PLCH1: variants seen among roughly 807,000 people sequenced by gnomAD.
PLCH1 encodes phospholipase C eta 1.
In PLCH1, 60 loss-of-function variants were observed where a neutral mutation model predicts 126.7. That is an observed-to-expected ratio of 0.47 (90% confidence interval 0.38 to 0.59). The LOEUF (loss-of-function observed/expected upper bound fraction) is 0.59. Among genes scored for constraint, PLCH1 ranks in the 20% least tolerant of loss-of-function variants. The probability of loss-of-function intolerance (pLI) is 0.00; values close to 1 mark genes in which losing one functional copy is unlikely to be tolerated. For synonymous variants in PLCH1, 719 were observed against 734.9 expected (o/e 0.98, Z 0.35); for missense variants, 1,723 against 2,040.0 (o/e 0.84, Z 2.99).
chr3:155,471,979 A>G (rs1443821986), intron 21 of PLCH1, among the ~76,000 whole-genome samples: 1 of 152,206 alleles, frequency 6.6e-6, no homozygotes, highest in African/African-American at 2.4e-5. Context: ...AAAGCAGGAA[A>G]GATCCAAAAT....
chr3:155,541,005 G>A (rs575647213), intron 10 of PLCH1, among the ~76,000 whole-genome samples: 2 of 152,206 alleles, frequency 1.3e-5, no homozygotes, highest in South Asian at 2.1e-4. Context: ...ATCAATCAAC[G>A]AGTGGATAAA....
At chr3:155,716,757 C>T (rs572612791) in intron 1 of PLCH1, among the ~76,000 whole-genome samples, 5 of 152,264 alleles carry the variant, frequency 3.3e-5, no homozygotes, top group Non-Finnish European at 4.4e-5. Flanking sequence ...GAGATTTGGC[C>T]GGGACATGTA....
rs1386976251 is a variant in PLCH1 at position 155,488,796 on chromosome 3, A to G, written c.2403T>C (p.Pro801=). Reference sequence around the variant, plus strand: ...TAAATGTCAGTGTTTCTTCCCACACAGGGTTAAATCCTCAGAGAAATAGGA... The same window carrying G: ...TAAATGTCAGTGTTTCTTCCCACACGGGGTTAAATCCTCAGAGAAATAGGA... ...TRVVDDNGFN[P]VWEETLTFTV... is the part of the protein sequence containing the mutation. The change falls in exon 20 of 23, where the codon CCT becomes CCC. Residue 801 remains proline (P), a synonymous_variant. Coordinates refer to ENST00000460012, the MANE Select transcript of PLCH1 (RefSeq NM_014996.4). 2.5e-6 allele frequency: 4 copies of G among 1,611,740 alleles called. No homozygotes were observed. The highest frequency in any genetic ancestry group is 1.1e-5 in the South Asian group (1 of 90,396).
At chr3:155,530,493 ATTT>A (rs1178847902) in intron 10 of PLCH1, among the ~76,000 whole-genome samples, 1 of 151,664 alleles carries the variant, frequency 6.6e-6, no homozygotes, top group Non-Finnish European at 1.5e-5. Flanking sequence ...ATTTTTTTGT[ATTT>A]TTAGTAGAGA....
chr3:155,674,343 T>G (rs1743869370), intron 2 of PLCH1, among the ~76,000 whole-genome samples: 1 of 152,172 alleles, frequency 6.6e-6, no homozygotes, highest in Non-Finnish European at 1.5e-5. Flanking sequence ...GAATAAACAT[T>G]CCTCAACTTT....
intron 2 of PLCH1, among the ~76,000 whole-genome samples, chr3:155,648,470 A>G (rs1481832825): frequency 2.6e-5 from 4 of 151,984 alleles, no homozygotes; most frequent in African/African-American, 9.7e-5. Context: ...ACAAAGGCCT[A>G]CTCCCCTGGT....
chr3:155,482,884 G>A lies in PLCH1; in HGVS notation c.3142C>T (p.Leu1048=), dbSNP rs767767304. The part of the protein sequence containing the change: ...TAHMSVTGEQ[L]GMSSPRGGRT... ...CCACCCCTAGGACTTGACATGCCCA[G>A]CTGTTCTCCTGTGACTGACATGTGG... is the stretch of plus-strand genomic sequence containing the variant. Residue 1048 remains leucine (L), a synonymous_variant, in exon 23 of 23, where the codon CTG becomes TTG. Coordinates refer to ENST00000460012, the MANE Select transcript of PLCH1 (RefSeq NM_014996.4). 2 of 1,614,142 alleles carry A rather than the reference G, an allele frequency of 1.2e-6. No homozygotes were observed. The highest frequency in any genetic ancestry group is 1.7e-6 in the Non-Finnish European group (2 of 1,179,998).
Position 155,485,571 on chromosome 3 carries a change from C to A in PLCH1, c.2759G>T (p.Gly920Val). 1 of 1,614,176 alleles carries A rather than the reference C, an allele frequency of 6.2e-7. No homozygotes were observed. The highest frequency in any genetic ancestry group is 1.1e-5 in the South Asian group (1 of 91,084). The stretch of plus-strand genomic sequence containing the variant: ...GAAGCCCATTTTGCTCTTTTTCCTG[C>A]CTTTGGCTGGGGCGCTAGCTGTGCG... The part of the protein sequence containing the change: ...LRRTASAPAK[G>V]RKKSKMGFQE... The change falls in exon 22 of 23, where the codon GGC becomes GTC. Residue 920 changes from glycine (G) to valine (V), a missense_variant. This residue lies in a region of PLCH1 where 947 missense variants were observed against 977.1 expected (regional missense o/e 0.97). Coordinates refer to ENST00000460012, the MANE Select transcript of PLCH1 (RefSeq NM_014996.4).
intron 2 of PLCH1, among the ~76,000 whole-genome samples, chr3:155,614,896 C>T (rs561836242): frequency 5.6e-4 from 85 of 152,138 alleles, no homozygotes; most frequent in African/African-American, 1.9e-3. Context: ...TGACCAGGAA[C>T]CCAAAAGCAA....
intron 2 of PLCH1, among the ~76,000 whole-genome samples, chr3:155,645,494 T>C (rs1314639652): frequency 6.6e-6 from 1 of 152,202 alleles, no homozygotes; most frequent in Non-Finnish European, 1.5e-5. Context: ...GGTTTTTGTT[T>C]GGGACAGGGT....
chr3:155,699,368 C>T (rs539636356), intron 2 of PLCH1, among the ~76,000 whole-genome samples: 4 of 152,334 alleles, frequency 2.6e-5, no homozygotes, highest in African/African-American at 9.6e-5. Context: ...TGAACCACTG[C>T]GCCCAGCCTG....
intron 2 of PLCH1, among the ~76,000 whole-genome samples, chr3:155,602,133 T>C (rs914321543): frequency 1.3e-5 from 2 of 152,146 alleles, no homozygotes; most frequent in Non-Finnish European, 2.9e-5. Flanking sequence ...TGGAGTACTA[T>C]GTAAGTGTAA....
chr3:155,630,526 G>A (rs185761947), intron 2 of PLCH1, among the ~76,000 whole-genome samples: 190 of 152,274 alleles, frequency 1.2e-3, no homozygotes, highest in African/African-American at 4.5e-3. Context: ...TCAGGTCTTT[G>A]GGCTGCCTGC....
chr3:155,548,689 G>C (rs140215177), intron 10 of PLCH1, among the ~76,000 whole-genome samples: 2 of 152,196 alleles, frequency 1.3e-5, no homozygotes, highest in Admixed American at 1.3e-4. Flanking sequence ...TACTATAAAA[G>C]TTTGCTTTAG....
chr3:155,494,210 A>C lies in PLCH1; in HGVS notation c.2113T>G (p.Leu705Val). ...NYQSEGRMMQLNRAKFKANGN... is the reference protein window; with the variant it reads ...NYQSEGRMMQVNRAKFKANGN... ...TTTGCCTTGAATTTGGCTCGGTTTA[A>C]CTGCATCATTCGTCCTTCAGATTGA... is the stretch of plus-strand genomic sequence containing the variant. The change falls in exon 17 of 23, where the codon TTA becomes GTA. Residue 705 changes from leucine (L) to valine (V), a missense_variant. Around this residue, in one of 2 missense-constraint regions of PLCH1, gnomAD observed 776 missense variants for 1,062.9 expected, o/e 0.73. Transcript: ENST00000460012. The C allele has an allele frequency of 6.2e-7, 1 of 1,614,168 alleles. No homozygotes were observed.
intron 2 of PLCH1, among the ~76,000 whole-genome samples, chr3:155,598,285 C>T (rs929172294): frequency 7.2e-5 from 11 of 152,072 alleles, no homozygotes; most frequent in African/African-American, 2.7e-4. Context: ...TTAGTATATT[C>T]GGCCACCACT....
At chr3:155,585,374 T>G (rs1289259557) in intron 5 of PLCH1, among the ~76,000 whole-genome samples, 2 of 152,226 alleles carry the variant, frequency 1.3e-5, no homozygotes, top group Non-Finnish European at 2.9e-5. Context: ...GCAACTTATC[T>G]TCAAATAATA....
chr3:155,657,010 A>G (rs1741456734), intron 2 of PLCH1, among the ~76,000 whole-genome samples: 1 of 151,740 alleles, frequency 6.6e-6, no homozygotes, highest in Non-Finnish European at 1.5e-5. Flanking sequence ...AGAAAATATA[A>G]TGGGAGAGAA....
intron 19 of PLCH1, among the ~76,000 whole-genome samples, chr3:155,490,154 G>A (rs1480871596): frequency 6.6e-6 from 1 of 152,104 alleles, no homozygotes; most frequent in Non-Finnish European, 1.5e-5. Flanking sequence ...GTATTTTACA[G>A]TATTAATCAC....
Sources: gnomAD v4.1 joint callset for allele counts (sites outside exome capture counted in the v4.1 genomes callset) on GRCh38, gnomAD v4.1.1 for gene constraint, gnomAD v4.1.1 regional missense constraint, MANE v1.5 for transcripts, NCBI Gene and HGNC (gene_info 2026-07-23, HGNC 2026-07-21) for gene names.